Variants in TENT5C observed in about 807,000 individuals in gnomAD.
TENT5C encodes family with sequence similarity 46 member C.
A neutral mutation model predicts 22.2 loss-of-function variants in TENT5C; 5 were observed. That is an observed-to-expected ratio of 0.22 (90% confidence interval 0.12 to 0.47). The LOEUF is 0.47. TENT5C is among the 20% of genes least tolerant of loss of function. The pLI is 0.99. For synonymous variants in TENT5C, 199 were observed against 195.4 expected (o/e 1.02, Z -0.15); for missense variants, 364 against 500.9 (o/e 0.73, Z 2.61).
chr1:117,609,574 T>G (rs538563237), intron 1 of TENT5C, among the ~76,000 whole-genome samples: 10 of 152,314 alleles, frequency 6.6e-5, no homozygotes, highest in African/African-American at 2.4e-4. Flanking sequence ...CAGTAGCTAG[T>G]GCCAGGTGCT....
intron 1 of TENT5C, among the ~76,000 whole-genome samples, chr1:117,614,332 A>G (rs1653731080): frequency 6.6e-6 from 1 of 152,232 alleles, no homozygotes; most frequent in Non-Finnish European, 1.5e-5. Flanking sequence ...CTGCTGCTGC[A>G]CATGCCAAGC....
At chr1:117,611,429 T>A (rs1227823439) in intron 1 of TENT5C, among the ~76,000 whole-genome samples, 2 of 152,240 alleles carry the variant, frequency 1.3e-5, no homozygotes, top group Non-Finnish European at 2.9e-5. Context: ...GCAGAGCCTT[T>A]ACCTCTTCAG....
chr1:117,622,956 A>G lies in TENT5C; in HGVS notation c.88A>G (p.Thr30Ala), dbSNP rs758089123. The G allele has an allele frequency of 1.2e-6, 2 of 1,614,208 alleles. No homozygotes were observed. Among genetic ancestry groups the G allele is most frequent in the Non-Finnish European group, 1.7e-6 (2 of 1,180,036 alleles). ...DQVSRLHEVL[T>A]EVVPIHGRGN... Reference sequence around the variant, plus strand: ...GGTTAGCCGGCTGCATGAGGTCCTCACTGAAGTTGTACCTATCCACGGACG... The same window carrying G: ...GGTTAGCCGGCTGCATGAGGTCCTCGCTGAAGTTGTACCTATCCACGGACG... Residue 30 changes from threonine (T) to alanine (A), a missense_variant, in exon 2 of 2, where the codon ACT becomes GCT. Thr to Ala is a moderately conservative substitution (Grantham distance 58). Around this residue, in one of 3 missense-constraint regions of TENT5C, gnomAD observed 303 missense variants for 394.5 expected, o/e 0.77. Transcript: ENST00000369448.
At chr1:117,606,682 C>A (rs982834846) in intron 1 of TENT5C, among the ~76,000 whole-genome samples, 2 of 152,124 alleles carry the variant, frequency 1.3e-5, no homozygotes, top group Non-Finnish European at 2.9e-5. Flanking sequence ...TTTCACTAGG[C>A]GCAGCTGGAG....
At chr1:117,608,249 AG>A (rs1256384224) in intron 1 of TENT5C, among the ~76,000 whole-genome samples, 4 of 152,200 alleles carry the variant, frequency 2.6e-5, no homozygotes, top group Non-Finnish European at 5.9e-5. Context: ...GTAATTCTGA[AG>A]GAAAGGATTT....
chr1:117,620,432 A>G (rs960529631), intron 1 of TENT5C, among the ~76,000 whole-genome samples: 1 of 152,236 alleles, frequency 6.6e-6, no homozygotes, highest in Non-Finnish European at 1.5e-5. Context: ...TCACACTAGC[A>G]AGTGAGTTGT....
Position 117,623,037 on chromosome 1 carries a change from A to C in TENT5C, c.169A>C (p.Ser57Arg). 6.2e-7 allele frequency: 1 copy of C among 1,614,222 alleles called. No individual in the cohort carries two copies. Among genetic ancestry groups the C allele is most frequent in the Non-Finnish European group, 8.5e-7 (1 of 1,180,040 alleles). ...GAAGGACATCGTCCAGACCGTCCGC[A>C]GTCGGCTGGAGGAGGCAGGCATCAA... ...TLKDIVQTVRSRLEEAGIKVH... is the reference protein window; with the variant it reads ...TLKDIVQTVRRRLEEAGIKVH... The change falls in exon 2 of 2, where the codon AGT becomes CGT. Residue 57 changes from serine (S) to arginine (R), a missense_variant. Physicochemically the swap from Ser to Arg is moderately radical, Grantham distance 110 (BLOSUM62 -1). Around this residue, in one of 3 missense-constraint regions of TENT5C, gnomAD observed 303 missense variants for 394.5 expected, o/e 0.77. Transcript: ENST00000369448.
intron 1 of TENT5C, among the ~76,000 whole-genome samples, chr1:117,614,773 A>G (rs1225026453): frequency 6.6e-6 from 1 of 152,104 alleles, no homozygotes; most frequent in Non-Finnish European, 1.5e-5. Flanking sequence ...GGATCAGCCC[A>G]TTCCTGATAA....
chr1:117,618,379 T>G (rs1653829210), intron 1 of TENT5C, among the ~76,000 whole-genome samples: 1 of 152,056 alleles, frequency 6.6e-6, no homozygotes, highest in African/African-American at 2.4e-5. Flanking sequence ...TGGATTTGCA[T>G]GAATTAGAGA....
chr1:117,623,090 C>T lies in TENT5C; in HGVS notation c.222C>T (p.Ser74=), dbSNP rs201734387. 3.5e-5 allele frequency: 57 copies of T among 1,614,090 alleles called. No homozygotes were observed. Among genetic ancestry groups the T allele is most frequent in the Middle Eastern group, 1.6e-4 (1 of 6,084 alleles). Residue 74 remains serine, a synonymous_variant, in exon 2 of 2, where the codon TCC becomes TCT. Coordinates refer to ENST00000369448, the MANE Select transcript of TENT5C (RefSeq NM_017709.4). ...IKVHDVRLNG[S]AAGHVLVKDN... is the part of the protein sequence containing the mutation. The stretch of plus-strand genomic sequence containing the variant: ...TGCACGACGTCCGGCTGAATGGCTC[C>T]GCAGCTGGCCACGTTTTGGTCAAAG...
chr1:117,618,412 G>A (rs1443569151), intron 1 of TENT5C, among the ~76,000 whole-genome samples: 1 of 151,920 alleles, frequency 6.6e-6, no homozygotes, highest in Non-Finnish European at 1.5e-5. Context: ...TTTTTAATGA[G>A]CATCTTTTTA....
Position 117,622,926 on chromosome 1 carries a change from G to C in TENT5C, c.58G>C (p.Asp20His). 2 of 1,614,188 alleles carry C rather than the reference G, an allele frequency of 1.2e-6. No homozygotes were observed. Among genetic ancestry groups the C allele is most frequent in the Non-Finnish European group, 1.7e-6 (2 of 1,180,040 alleles). Reference sequence around the variant, plus strand: ...CATGTCCTTCAGCGTGCTCAACTGGGATCAGGTTAGCCGGCTGCATGAGGT... The same window carrying C: ...CATGTCCTTCAGCGTGCTCAACTGGCATCAGGTTAGCCGGCTGCATGAGGT... Reference protein sequence around the residue: ...DCMSFSVLNWDQVSRLHEVLT... With the variant: ...DCMSFSVLNWHQVSRLHEVLT... The change falls in exon 2 of 2, where the codon GAT becomes CAT. Residue 20 changes from aspartate (D) to histidine (H), a missense_variant. Asp to His is a moderately conservative substitution (Grantham distance 81, BLOSUM62 -1). Transcript: ENST00000369448.
chr1:117,614,589 A>C (rs1653741402), intron 1 of TENT5C, among the ~76,000 whole-genome samples: 2 of 152,082 alleles, frequency 1.3e-5, no homozygotes, highest in Non-Finnish European at 2.9e-5. Context: ...CTGTAGCTCC[A>C]GTTGGGTTAT....
Position 117,623,109 on chromosome 1 carries a change from G to A in TENT5C, c.241G>A (p.Val81Ile). ...LNGSAAGHVLVKDNGLGCKDL... is the reference protein window; with the variant it reads ...LNGSAAGHVLIKDNGLGCKDL... Reference sequence around the variant, plus strand: ...TGGCTCCGCAGCTGGCCACGTTTTGGTCAAAGACAATGGCTTGGGCTGCAA... The same window carrying A: ...TGGCTCCGCAGCTGGCCACGTTTTGATCAAAGACAATGGCTTGGGCTGCAA... Residue 81 changes from valine to isoleucine, a missense_variant, in exon 2 of 2, where the codon GTC becomes ATC. Around this residue, in one of 3 missense-constraint regions of TENT5C, gnomAD observed 303 missense variants for 394.5 expected, o/e 0.77. Coordinates refer to ENST00000369448, the MANE Select transcript of TENT5C (RefSeq NM_017709.4). 6.2e-7 allele frequency: 1 copy of A among 1,614,206 alleles called. No homozygotes were observed. The highest frequency in any genetic ancestry group is 8.5e-7 in the Non-Finnish European group (1 of 1,180,042).
intron 1 of TENT5C, among the ~76,000 whole-genome samples, chr1:117,620,498 A>G (rs888531423): frequency 7.2e-5 from 11 of 152,324 alleles, no homozygotes; most frequent in African/African-American, 1.9e-4. Flanking sequence ...CCACCAAACC[A>G]TAGTCTAGCT....
rs146229118 is a variant in TENT5C, at chr1:117,614,482, C to T, written c.-28+8329C>T. On this transcript the variant is annotated intron_variant, in intron 1 of 1. Coordinates refer to ENST00000369448, the MANE Select transcript of TENT5C (RefSeq NM_017709.4). ...TTCAGCATTCATGAGGTCCTGTGTA[C>T]GTTCCAGACTTTCTGCTTTCAGTTT... Among the ~76,000 whole-genome samples the T allele has an allele frequency of 3.5e-3, 538 of 152,306 alleles. 2 individuals carry two copies. The highest frequency in any genetic ancestry group is 5.8e-3 in the Non-Finnish European group (395 of 68,032).
In TENT5C at chr1:117,623,907, A is replaced by G; in HGVS notation, c.1039A>G (p.Ile347Val). Residue 347 changes from isoleucine (I) to valine (V), a missense_variant, in exon 2 of 2, where the codon ATC becomes GTC. This residue lies in a region of TENT5C where 54 missense variants were observed against 76.5 expected (regional missense o/e 0.71). Transcript: ENST00000369448. The part of the protein sequence containing the change: ...ALRVLAEQNI[I>V]PSATNVTCYY... ...GCGTGTGCTGGCGGAACAAAACATC[A>G]TCCCCAGTGCCACCAACGTCACCTG... 1.2e-6 allele frequency: 2 copies of G among 1,614,024 alleles called. No individual in the cohort carries two copies. The highest frequency in any genetic ancestry group is 1.7e-6 in the Non-Finnish European group (2 of 1,179,986).
chr1:117,618,535 C>T (rs1454901312), intron 1 of TENT5C, among the ~76,000 whole-genome samples: 1 of 151,078 alleles, frequency 6.6e-6, no homozygotes, highest in Admixed American at 6.6e-5. Context: ...GGAGGTGAAG[C>T]TTCCAAGTGT....
intron 1 of TENT5C, among the ~76,000 whole-genome samples, chr1:117,615,695 T>A (rs1307132562): frequency 6.6e-6 from 1 of 152,230 alleles, no homozygotes; most frequent in East Asian, 1.9e-4. Context: ...TATGAAACAA[T>A]GTGCTCCCCC....
Sources: allele counts gnomAD v4.1 joint callset (sites outside exome capture counted in the v4.1 genomes callset), GRCh38; gene constraint gnomAD v4.1.1; regional missense constraint gnomAD v4.1.1; transcripts MANE v1.5; gene names NCBI Gene and HGNC (gene_info 2026-07-23, HGNC 2026-07-21).